The following PBX1 variants were observed in gnomAD, a reference collection of about 807,000 sequenced individuals.
The protein encoded by PBX1 is PBX homeobox 1.
Under a neutral mutation model 53.4 loss-of-function variants are expected in PBX1, and 6 were observed. The ratio of observed to expected loss-of-function variants is 0.11; its 90% CI spans 0.06 to 0.22. The LOEUF (loss-of-function observed/expected upper bound fraction) is 0.22, where lower values mean the gene tolerates loss of function less well. PBX1 is among the 10% of genes least tolerant of loss of function. PBX1 has a pLI of 1.00. For missense variants in PBX1, 251 were observed against 551.4 expected (o/e 0.46, Z 5.46); for synonymous variants, 204 against 212.3 (o/e 0.96, Z 0.34).
chr1:164,594,886 G>T (rs1655653697), intron 2 of PBX1, among the ~76,000 whole-genome samples: 1 of 152,170 alleles, frequency 6.6e-6, no homozygotes, highest in African/African-American at 2.4e-5. Context: ...TAATTTTATA[G>T]ATCAGGACAC....
At chr1:164,794,350 C>A (rs1387343839) in intron 3 of PBX1, among the ~76,000 whole-genome samples, 1 of 152,136 alleles carries the variant, frequency 6.6e-6, no homozygotes, top group Admixed American at 6.5e-5. Flanking sequence ...TTCATTACTG[C>A]ACTCCTATCT....
At chr1:164,701,042 C>T (rs1163556238) in intron 2 of PBX1, among the ~76,000 whole-genome samples, 11 of 152,196 alleles carry the variant, frequency 7.2e-5, no homozygotes, top group Non-Finnish European at 1.3e-4. Context: ...CAAGTATTAT[C>T]ATTATTTCTG....
At chr1:164,723,329 T>G (rs1664510236) in intron 2 of PBX1, among the ~76,000 whole-genome samples, 1 of 152,202 alleles carries the variant, frequency 6.6e-6, no homozygotes, top group African/African-American at 2.4e-5. Context: ...CTTTAGAGGC[T>G]TATGCTCCAC....
chr1:164,723,301 G>C (rs946770379), intron 2 of PBX1, among the ~76,000 whole-genome samples: 9 of 152,126 alleles, frequency 5.9e-5, no homozygotes, highest in African/African-American at 1.9e-4. Flanking sequence ...CAGTGCAGAG[G>C]AGTTTCTTGG....
intron 2 of PBX1, among the ~76,000 whole-genome samples, chr1:164,657,627 G>A (rs1259450789): frequency 6.6e-6 from 1 of 152,228 alleles, no homozygotes; most frequent in Non-Finnish European, 1.5e-5. Context: ...TGGATGTAGA[G>A]TGCATTAACC....
chr1:164,606,792 T>C (rs2101815843), intron 2 of PBX1, among the ~76,000 whole-genome samples: 1 of 152,326 alleles, frequency 6.6e-6, no homozygotes, highest in East Asian at 1.9e-4. Context: ...CATGGAAACA[T>C]GATATTTGCA....
chr1:164,745,022 T>A lies in PBX1; in HGVS notation c.266-47472T>A, dbSNP rs910065798. 3.9e-5 allele frequency among the ~76,000 whole-genome samples: 6 copies of A among 152,160 alleles called. No individual in the cohort carries two copies. In the East Asian group the frequency reaches 1.2e-3, roughly 29 times the overall value. On this transcript the variant is annotated intron_variant, in intron 2 of 8. Coordinates refer to ENST00000420696, the MANE Select transcript of PBX1 (RefSeq NM_002585.4). ...TACAACAGACTTGCAAAGTACTGTT[T>A]CTATTCCCATTTTCAAAGACCGGGA...
intron 2 of PBX1, among the ~76,000 whole-genome samples, chr1:164,651,518 G>A (rs570097589): frequency 5.9e-5 from 9 of 152,186 alleles, no homozygotes; most frequent in Admixed American, 1.3e-4. Context: ...TCCCCACCTC[G>A]TTACCAAAGC....
At chr1:164,731,980 A>G (rs1300976613) in intron 2 of PBX1, among the ~76,000 whole-genome samples, 1 of 152,166 alleles carries the variant, frequency 6.6e-6, no homozygotes, top group African/African-American at 2.4e-5. Context: ...GTCAACTACC[A>G]GGCACTTTCC....
rs1255098881 is a variant in PBX1, at chr1:164,792,742, A to T, written c.510+4A>T. 7 of 1,593,486 alleles carry T rather than the reference A, an allele frequency of 4.4e-6. No individual in the cohort carries two copies. Among genetic ancestry groups the T allele is most frequent in the Admixed American group, 1.7e-5 (1 of 58,560 alleles). ...GGAGCTGGAGAAATACGAGCAGGTAACCAGAACCACCTGGGGCTCGGCACC... is the reference window on the plus strand; with the variant it reads ...GGAGCTGGAGAAATACGAGCAGGTATCCAGAACCACCTGGGGCTCGGCACC... On this transcript the variant is annotated splice_donor_region_variant and intron_variant, in intron 3 of 8. Transcript: ENST00000420696.
At chr1:164,736,056 T>C (rs749276987) in intron 2 of PBX1, among the ~76,000 whole-genome samples, 13 of 152,110 alleles carry the variant, frequency 8.5e-5, no homozygotes, top group Non-Finnish European at 1.5e-4. Flanking sequence ...AGTCAAAACG[T>C]TGGGCTCAAA....
intron 2 of PBX1, among the ~76,000 whole-genome samples, chr1:164,789,036 A>G (rs879314877): frequency 5.3e-5 from 8 of 152,120 alleles, no homozygotes; most frequent in Admixed American, 2.0e-4. Context: ...ACCCACCACC[A>G]CTGCGCCCAA....
chr1:164,869,370 G>A (rs796680972), intron 2 of PBX1, among the ~76,000 whole-genome samples: 2 of 152,202 alleles, frequency 1.3e-5, no homozygotes, highest in African/African-American at 4.8e-5. Context: ...GGTGAAGCAG[G>A]TTAACTTCCC....
intron 2 of PBX1, among the ~76,000 whole-genome samples, chr1:164,728,357 T>C (rs1014842468): frequency 6.6e-6 from 1 of 151,146 alleles, no homozygotes; most frequent in Non-Finnish European, 1.5e-5. Flanking sequence ...AGAAATAGAT[T>C]GGTGAACCAT....
chr1:164,802,112 G>T (rs1669108952), intron 4 of PBX1, among the ~76,000 whole-genome samples: 1 of 152,264 alleles, frequency 6.6e-6, no homozygotes, highest in Admixed American at 6.5e-5. Flanking sequence ...AATAGGATTA[G>T]TCTTTGTAAT....
intron 2 of PBX1, among the ~76,000 whole-genome samples, chr1:164,598,069 T>C (rs1655889681): frequency 6.6e-6 from 1 of 152,042 alleles, no homozygotes; most frequent in African/African-American, 2.4e-5. Flanking sequence ...GTTCATCACA[T>C]GGTGAGAGGG....
chr1:164,587,541 G>C (rs532602625), intron 2 of PBX1, among the ~76,000 whole-genome samples: 2 of 151,356 alleles, frequency 1.3e-5, no homozygotes, highest in East Asian at 4.1e-4. Context: ...TTGTGTGTCT[G>C]ATTTTTTTTT....
At chr1:164,581,960 C>A (rs1037222458) in intron 2 of PBX1, among the ~76,000 whole-genome samples, 1 of 152,008 alleles carries the variant, frequency 6.6e-6, no homozygotes, top group Non-Finnish European at 1.5e-5. Context: ...ATCCACAGAA[C>A]CTGTTATGTA....
Position 164,650,472 on chromosome 1 carries a change from C to T in PBX1, c.265+87161C>T, listed in dbSNP as rs188339479. Among the ~76,000 whole-genome samples the T allele has an allele frequency of 3.1e-3, 475 of 152,148 alleles. 2 individuals carry two copies. The highest frequency in any genetic ancestry group is 4.3e-3 in the Non-Finnish European group (294 of 67,980). ...TTGGACTCCTGACAAGTGATCCGCC[C>T]GCCTCAGACTCCCGAAGTGCTAGGG... On this transcript the variant is annotated intron_variant, in intron 2 of 8. Coordinates refer to ENST00000420696, the MANE Select transcript of PBX1 (RefSeq NM_002585.4).
Sources: allele counts gnomAD v4.1 joint callset (sites outside exome capture counted in the v4.1 genomes callset), GRCh38; gene constraint gnomAD v4.1.1; transcripts MANE v1.5; gene names NCBI Gene and HGNC (gene_info 2026-07-23, HGNC 2026-07-21).